SUPT20H: variants seen among roughly 807,000 people sequenced by gnomAD.
The protein encoded by SUPT20H is SPT20 homolog, SAGA complex component, also known as transcription factor SPT20 homolog.
Under a neutral mutation model 122.8 loss-of-function variants are expected in SUPT20H, and 82 were observed. The observed-to-expected ratio is 0.67, with a 90% CI of 0.56 to 0.80. The LOEUF is 0.80. Among genes scored for constraint, SUPT20H ranks in the 30% least tolerant of loss-of-function variants. The pLI, the probability that SUPT20H is intolerant of heterozygous loss-of-function variation, is 0.00. For synonymous variants in SUPT20H, 291 were observed against 313.0 expected, an observed-to-expected ratio of 0.93 and a Z score of 0.74; for missense variants, 831 against 921.6, an observed-to-expected ratio of 0.90 and a Z score of 1.27.
intron 21 of SUPT20H, among the ~76,000 whole-genome samples, chr13:37,021,233 T>C (rs1566152378): frequency 6.6e-6 from 1 of 152,206 alleles, no homozygotes; most frequent in Non-Finnish European, 1.5e-5. Flanking sequence ...TTGCACAGAC[T>C]CACAGGCTTA....
intron 1 of SUPT20H, among the ~76,000 whole-genome samples, chr13:37,058,609 T>G (rs990677917): frequency 5.9e-5 from 9 of 152,148 alleles, no homozygotes; most frequent in Admixed American, 5.9e-4. Flanking sequence ...TACACAGAAT[T>G]TACTAGAACC....
At chr13:37,046,699 T>C (rs181956715) in intron 5 of SUPT20H, among the ~76,000 whole-genome samples, 9 of 152,278 alleles carry the variant, frequency 5.9e-5, no homozygotes, top group Non-Finnish European at 1.0e-4. Context: ...TTCTATTGCT[T>C]GTAGTGATGG....
At chr13:37,034,618 A>G (rs1378131048) in intron 9 of SUPT20H, among the ~76,000 whole-genome samples, 1 of 152,244 alleles carries the variant, frequency 6.6e-6, no homozygotes, top group Non-Finnish European at 1.5e-5. Context: ...ACTGATATAC[A>G]AACTGCAACA....
chr13:37,009,480 C>A lies in SUPT20H; in HGVS notation c.*192G>T. On this transcript the variant is annotated 3_prime_UTR_variant, in exon 26 of 26. Transcript: ENST00000350612. Reference sequence around the variant, plus strand: ...CATTTTTAAAAAGCAATGACTTAGGCAAACCAACCCTAGTTTGTTAAACCA... The same window carrying A: ...CATTTTTAAAAAGCAATGACTTAGGAAAACCAACCCTAGTTTGTTAAACCA... 1 of 821,280 alleles carries A rather than the reference C, an allele frequency of 1.2e-6. No individual in the cohort carries two copies. The allele number at this position is 821,280 out of a possible 1,614,324, so 50.9% of individuals were successfully genotyped here. A position where few individuals can be genotyped will look rare whatever the true frequency, so the allele number is the denominator to read the frequency against.
At chr13:37,020,473 GA>G (rs1177996897) in intron 21 of SUPT20H, among the ~76,000 whole-genome samples, 3 of 152,184 alleles carry the variant, frequency 2.0e-5, no homozygotes, top group African/African-American at 7.2e-5. Flanking sequence ...GGATAAGGGG[GA>G]AAAATTTAGT....
Position 37,051,530 on chromosome 13 carries a change from T to C in SUPT20H, c.-40A>G. The C allele has an allele frequency of 1.2e-6, 2 of 1,605,920 alleles. No homozygotes were observed. The highest frequency in any genetic ancestry group is 1.7e-6 in the Non-Finnish European group (2 of 1,174,300). On this transcript the variant is annotated 5_prime_UTR_variant, in exon 2 of 26. Transcript: ENST00000350612. ...AGGGTCCAAAAGAAGAGATAACTTA[T>C]GTACGCTGATGAAGTGGGGTGAACA...
intron 21 of SUPT20H, among the ~76,000 whole-genome samples, chr13:37,019,982 G>T (rs1458332834): frequency 2.0e-5 from 3 of 152,088 alleles, no homozygotes; most frequent in Non-Finnish European, 4.4e-5. Context: ...AAAGCTGGGG[G>T]TGACAAACGT....
intron 1 of SUPT20H, among the ~76,000 whole-genome samples, chr13:37,055,100 G>T (rs2068631455): frequency 6.6e-6 from 1 of 152,154 alleles, no homozygotes; most frequent in Non-Finnish European, 1.5e-5. Flanking sequence ...ACAAACCACT[G>T]CTCAAGGAAA....
At chr13:37,034,919 C>T (rs1049454815) in intron 9 of SUPT20H, among the ~76,000 whole-genome samples, 3 of 152,138 alleles carry the variant, frequency 2.0e-5, no homozygotes, top group African/African-American at 7.2e-5. Flanking sequence ...AACAACAAAG[C>T]CTGGATGACA....
rs1288067227 is a variant in SUPT20H at position 37,017,304 on chromosome 13, A to G, written c.1933T>C (p.Phe645Leu). The G allele has an allele frequency of 6.2e-7, 1 of 1,614,100 alleles. No homozygotes were observed. Among genetic ancestry groups the G allele is most frequent in the African/African-American group, 1.3e-5 (1 of 75,032 alleles). Reference sequence around the variant, plus strand: ...GGCTGCTGAGGTTGTTGTGGTGTAAACTGGGAGAGCTGCTGTTGCTGCTGC... The same window carrying G: ...GGCTGCTGAGGTTGTTGTGGTGTAAGCTGGGAGAGCTGCTGTTGCTGCTGC... ...LQQQQQQLSQ[F>L]TPQQPQQPTT... The change falls in exon 23 of 26, where the codon TTT (phenylalanine) becomes CTT (leucine). Residue 645 changes from phenylalanine to leucine, a missense_variant. By Grantham distance (22) the Phe-to-Leu change is conservative. Transcript: ENST00000350612.
chr13:37,036,180 A>G (rs1185963822), intron 9 of SUPT20H, among the ~76,000 whole-genome samples: 1 of 152,214 alleles, frequency 6.6e-6, no homozygotes, highest in Non-Finnish European at 1.5e-5. Context: ...TCAGATGATC[A>G]TTAGCATTTT....
In SUPT20H at chr13:37,047,528, T is replaced by C. The variant is rs779084608; in HGVS notation, c.165+7A>G. The C allele has an allele frequency of 2.1e-6, 3 of 1,441,276 alleles. No individual in the cohort carries two copies. Among genetic ancestry groups the C allele is most frequent in the African/African-American group, 1.5e-5 (1 of 68,418 alleles). The allele number at this position is 1,441,276 out of a possible 1,614,324, so 89.3% of individuals were successfully genotyped here. On this transcript the variant is annotated splice_region_variant and intron_variant, in intron 5 of 25. Transcript: ENST00000350612. ...AAAGCTACAACATAATAAAAATGTA[T>C]ACTTACCTTAACTTCAGGTTCTTTT... is the stretch of plus-strand genomic sequence containing the variant.
intron 1 of SUPT20H, among the ~76,000 whole-genome samples, chr13:37,055,213 A>G (rs2068665265): frequency 2.0e-5 from 3 of 152,316 alleles, no homozygotes; most frequent in East Asian, 3.9e-4. Context: ...TATAGATTCA[A>G]CGCCATCCCC....
Position 37,040,587 on chromosome 13 carries a change from G to T in SUPT20H, c.502C>A (p.Pro168Thr), listed in dbSNP as rs202167594. 1.5e-5 allele frequency: 24 copies of T among 1,613,540 alleles called. No homozygotes were observed. The highest frequency in any genetic ancestry group is 1.9e-5 in the Non-Finnish European group (22 of 1,179,714). The part of the protein sequence containing the change: ...GYQSRHILLR[P>T]TMQTLICDVH... ...TTAAACATCCTTACCTGCATTGTTG[G>T]ACGTAAGAGAATGTGCCGACTTTGG... The change falls in exon 8 of 26, where the codon CCA (proline) becomes ACA (threonine). Residue 168 changes from proline (P) to threonine (T), a missense_variant. Coordinates refer to ENST00000350612, the MANE Select transcript of SUPT20H (RefSeq NM_001014286.3).
At chr13:37,024,605 C>A (rs1315814995) in intron 17 of SUPT20H, 163 bp from the exon 18 acceptor site, 5 of 430,496 alleles carry the variant, frequency 1.2e-5, no homozygotes, top group Non-Finnish European at 1.2e-5. Context: ...AGATTGAATA[C>A]TATATGTATT....
intron 7 of SUPT20H, 61 bp downstream of exon 7, chr13:37,044,017 C>CAT (rs1003371337): frequency 2.8e-5 from 28 of 1,010,324 alleles, no homozygotes; most frequent in Admixed American, 6.6e-5. Flanking sequence ...AAAAATGTGA[C>CAT]ATATATATAT....
chr13:37,032,424 G>A (rs1004963198), intron 10 of SUPT20H, among the ~76,000 whole-genome samples: 1 of 152,070 alleles, frequency 6.6e-6, no homozygotes, highest in Admixed American at 6.6e-5. Flanking sequence ...AAAAATCAAC[G>A]ATTCTTCTTA....
chr13:37,022,306 G>T lies in SUPT20H; in HGVS notation c.1592-226C>A. The T allele has an allele frequency of 7.3e-7, 1 of 1,370,528 alleles. No homozygotes were observed. Among genetic ancestry groups the T allele is most frequent in the East Asian group, 2.7e-5 (1 of 36,782 alleles). The allele number at this position is 1,370,528 out of a possible 1,614,324, so 84.9% of individuals were successfully genotyped here. A position where few individuals can be genotyped will look rare whatever the true frequency, so the allele number is the denominator to read the frequency against. Reference sequence around the variant, plus strand: ...GTTGGTGTAGGAGTAGATGGCTTAGGAGTTCCAGATCCTGCTCATTGAGAA... The same window carrying T: ...GTTGGTGTAGGAGTAGATGGCTTAGTAGTTCCAGATCCTGCTCATTGAGAA... On this transcript the variant is annotated intron_variant, in intron 19 of 25. Coordinates refer to ENST00000350612, the MANE Select transcript of SUPT20H (RefSeq NM_001014286.3). This position sits in a 1 kb window ranked among gnomAD's most constrained non-coding sequence, Gnocchi z 4.5.
In SUPT20H at chr13:37,024,377, T is replaced by C. The variant is rs778623782; in HGVS notation, c.1395A>G (p.Pro465=). The C allele has an allele frequency of 5.6e-6, 9 of 1,592,944 alleles. No homozygotes were observed. The highest frequency in any genetic ancestry group is 4.6e-5 in the South Asian group (4 of 86,258). ...LGKGVKHRPP[P]IKLPSSSGNS... is the part of the protein sequence containing the mutation. ...TTCCTGAGCTTGAGGGAAGTTTGAT[T>C]GGTGGGGGTCGATGTTTTACACCCT... The change falls in exon 18 of 26, where the codon CCA becomes CCG. Residue 465 remains proline, a synonymous_variant. Transcript: ENST00000350612.
Sources: allele counts gnomAD v4.1 joint callset (sites outside exome capture counted in the v4.1 genomes callset), GRCh38; gene constraint gnomAD v4.1.1; non-coding constraint Gnocchi (gnomAD v3.1); transcripts MANE v1.5; gene names NCBI Gene and HGNC (gene_info 2026-07-23, HGNC 2026-07-21).